The following TCF7L2 variants were observed in gnomAD, a reference collection of about 807,000 sequenced individuals.
The protein encoded by TCF7L2 is transcription factor 7 like 2.
TCF7L2 carries 23 observed loss-of-function variants against 77.9 expected under a neutral mutation model. That is an observed-to-expected ratio of 0.30 (90% CI 0.21 to 0.42). The LOEUF is 0.42. Ranked by LOEUF, TCF7L2 falls within the 10% of genes least tolerant of loss-of-function variation. The pLI is 1.00. For missense variants in TCF7L2, 654 were observed against 793.1 expected (o/e 0.82, Z 2.11); for synonymous variants, 413 against 340.2 (o/e 1.21, Z -2.36).
At chr10:112,961,478 A>G (rs11196169) in intron 3 of TCF7L2, among the ~76,000 whole-genome samples, 87,369 of 151,818 alleles carry the variant, frequency 0.58, 25,328 homozygotes, top group East Asian at 0.7. Context: ...GAATGCCAGG[A>G]GTTTACTGGG....
At chr10:113,030,919 T>G (rs1296084226) in intron 4 of TCF7L2, among the ~76,000 whole-genome samples, 2 of 152,214 alleles carry the variant, frequency 1.3e-5, no homozygotes, top group Admixed American at 1.3e-4. Context: ...TTGGTCACTA[T>G]GGAACAAGAC....
intron 5 of TCF7L2, among the ~76,000 whole-genome samples, chr10:113,078,253 G>C (rs116244951): frequency 0.022 from 3,358 of 152,086 alleles, 128 homozygotes; most frequent in African/African-American, 0.076. Flanking sequence ...TCAAGTCTAT[G>C]AGCGGTCCAC....
rs542399575 is a variant in TCF7L2, at chr10:113,128,438, C to G, written c.553-12746C>G. ...TGTTTAAAGACCTACATCGTGAAAA[C>G]AGTCTTGTGGGCTTGGAGATAAACA... is the stretch of plus-strand genomic sequence containing the variant. On this transcript the variant is annotated intron_variant, in intron 5 of 13. Transcript: ENST00000627217. Among the ~76,000 whole-genome samples the G allele has an allele frequency of 4.3e-4, 66 of 152,004 alleles. 1 individual carries two copies. The highest frequency in any genetic ancestry group is 1.6e-3 in the African/African-American group (66 of 41,358).
At chr10:113,094,557 A>G (rs1217446814) in intron 5 of TCF7L2, among the ~76,000 whole-genome samples, 1 of 152,202 alleles carries the variant, frequency 6.6e-6, no homozygotes, top group Non-Finnish European at 1.5e-5. Flanking sequence ...TGATTATATA[A>G]AGAAGCAGAT....
chr10:113,040,755 A>G (rs1305732506), intron 5 of TCF7L2, among the ~76,000 whole-genome samples: 1 of 152,230 alleles, frequency 6.6e-6, no homozygotes, highest in Non-Finnish European at 1.5e-5. Flanking sequence ...GTGTCTACAT[A>G]TATTTTTAAT....
intron 5 of TCF7L2, among the ~76,000 whole-genome samples, chr10:113,070,729 A>G (rs1026948830): frequency 3.3e-5 from 5 of 152,162 alleles, no homozygotes; most frequent in Admixed American, 2.6e-4. Context: ...TGAAAGCTCT[A>G]TTTGCTATAG....
intron 5 of TCF7L2, among the ~76,000 whole-genome samples, chr10:113,085,789 G>A (rs1414331566): frequency 2.6e-5 from 4 of 152,154 alleles, no homozygotes; most frequent in Admixed American, 1.3e-4. Flanking sequence ...TTCACTTTCC[G>A]CAGGAGAAAC....
At chr10:112,988,524 G>T (rs2041975826) in intron 4 of TCF7L2, among the ~76,000 whole-genome samples, 1 of 152,168 alleles carries the variant, frequency 6.6e-6, no homozygotes, top group Non-Finnish European at 1.5e-5. Context: ...CCCATCTGTG[G>T]TTCCTTTTGG....
intron 5 of TCF7L2, among the ~76,000 whole-genome samples, chr10:113,051,242 CAG>C (rs753266154): frequency 0.14 from 20,740 of 148,400 alleles, 1,537 homozygotes; most frequent in Admixed American, 0.17. Context: ...CACACACACA[CAG>C]ACACATACAT....
At chr10:112,993,644 G>A (rs2042983034) in intron 4 of TCF7L2, among the ~76,000 whole-genome samples, 1 of 152,356 alleles carries the variant, frequency 6.6e-6, no homozygotes, top group East Asian at 1.9e-4. Flanking sequence ...ATCCCAGCAA[G>A]CACTTAAAAC....
At position 113,123,348 on chromosome 10, in the gene TCF7L2, G is replaced by C. The variant is rs536650284; in HGVS notation, c.553-17836G>C. Among the ~76,000 whole-genome samples, 13 of 152,316 alleles carry C rather than the reference G, an allele frequency of 8.5e-5. No homozygotes were observed. In the East Asian group the frequency reaches 2.5e-3, roughly 29 times the overall value. On this transcript the variant is annotated intron_variant, in intron 5 of 13. Coordinates refer to ENST00000627217, the MANE Select transcript of TCF7L2 (RefSeq NM_001146274.2). Reference sequence around the variant, plus strand: ...CTCTGGCCAGGAATGGGGAAGCTCTGGATTGATAAAGCAAAGGCTCTTTAC... The same window carrying C: ...CTCTGGCCAGGAATGGGGAAGCTCTCGATTGATAAAGCAAAGGCTCTTTAC...
At chr10:113,003,282 T>G (rs2044829418) in intron 4 of TCF7L2, among the ~76,000 whole-genome samples, 1 of 152,236 alleles carries the variant, frequency 6.6e-6, no homozygotes, top group Admixed American at 6.5e-5. Context: ...ATTTGGGGCC[T>G]CTTTTTGATG....
chr10:113,018,322 C>T (rs1198620755), intron 4 of TCF7L2, among the ~76,000 whole-genome samples: 1 of 151,952 alleles, frequency 6.6e-6, no homozygotes, highest in Non-Finnish European at 1.5e-5. Flanking sequence ...GTCCTTTGGG[C>T]TCCGAGAATG....
chr10:113,094,097 G>A (rs1021315400), intron 5 of TCF7L2, among the ~76,000 whole-genome samples: 2 of 152,138 alleles, frequency 1.3e-5, no homozygotes, highest in Non-Finnish European at 2.9e-5. Context: ...GCGTGCACGC[G>A]CATGTGTGTT....
intron 5 of TCF7L2, among the ~76,000 whole-genome samples, chr10:113,115,448 C>G (rs1199668242): frequency 6.6e-6 from 1 of 152,124 alleles, no homozygotes; most frequent in Non-Finnish European, 1.5e-5. Flanking sequence ...GAAAGATGAT[C>G]AAATCTTGTA....
At chr10:112,966,184 T>TTATATTTATATA (rs1554876897) in intron 4 of TCF7L2, among the ~76,000 whole-genome samples, 2 of 114,280 alleles carry the variant, frequency 1.8e-5, no homozygotes, top group African/African-American at 9.5e-5. Flanking sequence ...TAAAATATAT[T>TTATATTTATATA]TATATATATA....
At chr10:112,951,719 C>T (rs1037085661) in intron 3 of TCF7L2, 112 bp downstream of exon 3, 15 of 433,636 alleles carry the variant, frequency 3.5e-5, no homozygotes, top group Middle Eastern at 1.1e-3. Context: ...TCCCCGCCTC[C>T]TCCCCTCCCT....
At chr10:113,002,321 G>A (rs898066644) in intron 4 of TCF7L2, among the ~76,000 whole-genome samples, 3 of 152,118 alleles carry the variant, frequency 2.0e-5, no homozygotes, top group African/African-American at 4.8e-5. Context: ...TGTTTAGGTC[G>A]GCGGTTTTCA....
chr10:113,124,066 G>A (rs942753835), intron 5 of TCF7L2, among the ~76,000 whole-genome samples: 4 of 152,302 alleles, frequency 2.6e-5, no homozygotes, highest in Admixed American at 2.0e-4. Context: ...ACATTATGGG[G>A]TGTGTGGCAG....
Sources: gnomAD v4.1 joint callset for allele counts (sites outside exome capture counted in the v4.1 genomes callset) on GRCh38, gnomAD v4.1.1 for gene constraint, MANE v1.5 for transcripts, NCBI Gene and HGNC (gene_info 2026-07-23, HGNC 2026-07-21) for gene names.